Variants in KMT2C observed in about 807,000 individuals in gnomAD.
KMT2C encodes the protein histone-lysine N-methyltransferase 2C.
In KMT2C, 88 loss-of-function variants were observed where a neutral mutation model predicts 507.9. The observed-to-expected ratio is 0.17, with a 90% CI of 0.15 to 0.21. The LOEUF (loss-of-function observed/expected upper bound fraction) is 0.21, where lower values mean the gene tolerates loss of function less well. Ranked by LOEUF, KMT2C falls within the 10% of genes least tolerant of loss-of-function variation. KMT2C has a pLI of 1.00. For missense variants in KMT2C, 4,954 were observed against 5,957.8 expected (o/e 0.83, Z 5.55); for synonymous variants, 2,049 against 2,080.8 (o/e 0.98, Z 0.42).
chr7:152,338,020 C>T (rs1035198491), intron 2 of KMT2C, among the ~76,000 whole-genome samples: 1 of 152,052 alleles, frequency 6.6e-6, no homozygotes, highest in Admixed American at 6.5e-5. Context: ...CCACACCTGG[C>T]TAATTTTTTG....
chr7:152,389,469 AATT>A (rs1296358211), intron 1 of KMT2C, among the ~76,000 whole-genome samples: 1 of 151,790 alleles, frequency 6.6e-6, no homozygotes, highest in African/African-American at 2.4e-5. Flanking sequence ...TAAATTTTCT[AATT>A]ATTTACTTTT....
chr7:152,255,128 T>TATATATATATATAC, intron 9 of KMT2C, among the ~76,000 whole-genome samples: 1 of 127,368 alleles, frequency 7.9e-6, no homozygotes, highest in African/African-American at 3.0e-5. Flanking sequence ...TATATATATA[T>TATATATATATATAC]ATATATATAT....
chr7:152,335,638 G>T (rs888059316), intron 2 of KMT2C, among the ~76,000 whole-genome samples: 2 of 152,034 alleles, frequency 1.3e-5, no homozygotes, highest in Non-Finnish European at 2.9e-5. Flanking sequence ...TTCTCCTAGC[G>T]AAGTATATAA....
chr7:152,348,414 T>A (rs907477795), intron 2 of KMT2C, among the ~76,000 whole-genome samples: 9 of 151,524 alleles, frequency 5.9e-5, no homozygotes, highest in Non-Finnish European at 4.4e-5. Context: ...CTGACCAACA[T>A]GGTGAAACCC....
chr7:152,260,072 A>T (rs550195132), intron 9 of KMT2C, among the ~76,000 whole-genome samples: 1 of 152,338 alleles, frequency 6.6e-6, no homozygotes, highest in Non-Finnish European at 1.5e-5. Context: ...CCTGTGAGGT[A>T]AGTACCGTTA....
At chr7:152,370,799 G>A (rs1207816318) in intron 1 of KMT2C, among the ~76,000 whole-genome samples, 1 of 152,138 alleles carries the variant, frequency 6.6e-6, no homozygotes, top group Non-Finnish European at 1.5e-5. Context: ...TCCTGTACTT[G>A]GTCTTTGTAA....
chr7:152,166,162 C>T (rs1389546828), intron 42 of KMT2C, among the ~76,000 whole-genome samples: 39 of 139,962 alleles, frequency 2.8e-4, no homozygotes, highest in Admixed American at 6.6e-4. Context: ...CTCACTTTGT[C>T]GCCAGGCTGG....
intron 55 of KMT2C, among the ~76,000 whole-genome samples, chr7:152,142,263 A>C (rs2090644553): frequency 6.6e-6 from 1 of 152,250 alleles, no homozygotes; most frequent in Non-Finnish European, 1.5e-5. Context: ...GCTGGTAGGC[A>C]AAGGATATTT....
chr7:152,362,134 G>T (rs2097202094), intron 1 of KMT2C, among the ~76,000 whole-genome samples: 1 of 152,108 alleles, frequency 6.6e-6, no homozygotes, highest in Admixed American at 6.5e-5. Flanking sequence ...AAGAAAAAGG[G>T]ACTAGCTATT....
At chr7:152,205,557 A>AT (rs1438537610) in intron 24 of KMT2C, among the ~76,000 whole-genome samples, 2 of 152,204 alleles carry the variant, frequency 1.3e-5, no homozygotes, top group Admixed American at 6.5e-5. Flanking sequence ...CATACATCAC[A>AT]TAACAGTCAT....
chr7:152,252,127 C>G lies in KMT2C; in HGVS notation c.1470-37G>C, dbSNP rs370532389. The G allele has an allele frequency of 5.6e-5, 83 of 1,482,518 alleles. No homozygotes were observed. In the African/African-American group the frequency reaches 9.8e-4, roughly 18 times the overall value. 91.8% of individuals were successfully genotyped at this position (1,482,518 alleles called of 1,614,324 possible). On this transcript the variant is annotated intron_variant, in intron 10 of 58. Transcript: ENST00000262189. ...AGTATACTTAAATAAAAATTTCTAACATCGAGTTATTATCTAGGTAAAGAG... is the reference window on the plus strand; with the variant it reads ...AGTATACTTAAATAAAAATTTCTAAGATCGAGTTATTATCTAGGTAAAGAG...
intron 3 of KMT2C, among the ~76,000 whole-genome samples, chr7:152,322,673 T>G (rs544851364): frequency 6.6e-6 from 1 of 151,896 alleles, no homozygotes; most frequent in Non-Finnish European, 1.5e-5. Flanking sequence ...CCTGAAAGCA[T>G]AGGCAACAAA....
intron 40 of KMT2C, among the ~76,000 whole-genome samples, chr7:152,170,661 CCTGA>C (rs2092924333): frequency 6.6e-6 from 1 of 152,078 alleles, no homozygotes; most frequent in African/African-American, 2.4e-5. Flanking sequence ...CGCCACCACG[CCTGA>C]CTAATTTTTG....
chr7:152,397,611 T>C (rs1325184147), intron 1 of KMT2C, among the ~76,000 whole-genome samples: 1 of 152,130 alleles, frequency 6.6e-6, no homozygotes, highest in Non-Finnish European at 1.5e-5. Flanking sequence ...ACACTTGATA[T>C]GGTTTGGCAG....
rs771357748 is a variant in KMT2C, at chr7:152,187,298, T to G, written c.4972A>C (p.Asn1658His). 2 of 1,614,082 alleles carry G rather than the reference T, an allele frequency of 1.2e-6. No individual in the cohort carries two copies. The highest frequency in any genetic ancestry group is 4.5e-5 in the East Asian group (2 of 44,876). Residue 1658 changes from asparagine to histidine, a missense_variant, in exon 33 of 59, where the codon AAT (asparagine) becomes CAT (histidine). By Grantham distance (68) the Asn-to-His change is moderately conservative. Around this residue, in one of 29 missense-constraint regions of KMT2C, gnomAD observed 24 missense variants for 52.9 expected, o/e 0.45. Transcript: ENST00000262189. ...MATVAPVLYTNINFPNLKEEF... is the reference protein window; with the variant it reads ...MATVAPVLYTHINFPNLKEEF... The stretch of plus-strand genomic sequence containing the variant: ...TCCTTTAAGTTGGGGAAATTAATAT[T>G]GGTGTAGAGAACTGGGGCAACAGTT...
At chr7:152,219,616 T>C (rs2094703354) in intron 23 of KMT2C, among the ~76,000 whole-genome samples, 1 of 151,258 alleles carries the variant, frequency 6.6e-6, no homozygotes, top group East Asian at 1.9e-4. Flanking sequence ...AAATAAAATA[T>C]AATCAAACAA....
intron 3 of KMT2C, among the ~76,000 whole-genome samples, chr7:152,330,200 T>C (rs2096870075): frequency 6.7e-6 from 1 of 149,140 alleles, no homozygotes; most frequent in Non-Finnish European, 1.5e-5. Flanking sequence ...AGAAAAAAAA[T>C]AGGTTATAAT....
chr7:152,262,397 C>T (rs1006172521), intron 9 of KMT2C, among the ~76,000 whole-genome samples: 19 of 152,220 alleles, frequency 1.2e-4, no homozygotes, highest in African/African-American at 4.3e-4. Context: ...AAAGCTAAAC[C>T]GCACCTTGGA....
chr7:152,156,169 T>C (rs778340101), intron 45 of KMT2C, 36 bp downstream of exon 45: 2 of 1,610,476 alleles, frequency 1.2e-6, no homozygotes, highest in Non-Finnish European at 1.7e-6. Flanking sequence ...GAGGCACATT[T>C]CTCCGAGGTG....
Sources: gnomAD v4.1 joint callset for allele counts (sites outside exome capture counted in the v4.1 genomes callset) on GRCh38, gnomAD v4.1.1 for gene constraint, gnomAD v4.1.1 regional missense constraint, MANE v1.5 for transcripts, NCBI Gene and HGNC (gene_info 2026-07-23, HGNC 2026-07-21) for gene names.